The following CTTNBP2 variants were observed in gnomAD, a reference collection of about 807,000 sequenced individuals.
CTTNBP2 encodes cortactin-binding protein 2.
In CTTNBP2, 108 loss-of-function variants were observed where a neutral mutation model predicts 156.9. The observed-to-expected ratio is 0.69, with a 90% confidence interval of 0.59 to 0.81. The LOEUF is 0.81. Ranked by LOEUF, CTTNBP2 falls within the 30% of genes least tolerant of loss-of-function variation. CTTNBP2 has a pLI of 0.00. For synonymous variants in CTTNBP2, 767 were observed against 751.8 expected (o/e 1.02, Z -0.33); for missense variants, 1,924 against 2,035.4 (o/e 0.95, Z 1.05).
At chr7:117,829,405 T>G (rs1801475379) in intron 2 of CTTNBP2, among the ~76,000 whole-genome samples, 1 of 152,238 alleles carries the variant, frequency 6.6e-6, no homozygotes, top group South Asian at 2.1e-4. Flanking sequence ...ATCAGTTACA[T>G]GGAAGTGTTG....
intron 2 of CTTNBP2, among the ~76,000 whole-genome samples, chr7:117,844,010 T>C (rs1011219097): frequency 6.6e-6 from 1 of 151,486 alleles, no homozygotes; most frequent in African/African-American, 2.4e-5. Context: ...TCAGGAACCT[T>C]GGAGTCAGAG....
intron 2 of CTTNBP2, among the ~76,000 whole-genome samples, chr7:117,840,678 C>G (rs1264217839): frequency 6.6e-6 from 1 of 152,208 alleles, no homozygotes; most frequent in Non-Finnish European, 1.5e-5. Context: ...ACTATTATCT[C>G]TTCAGGAAGA....
At chr7:117,761,681 T>C (rs1797224886) in intron 9 of CTTNBP2, among the ~76,000 whole-genome samples, 1 of 152,200 alleles carries the variant, frequency 6.6e-6, no homozygotes, top group Non-Finnish European at 1.5e-5. Flanking sequence ...TGGACAGGTA[T>C]TACCTTTAGT....
intron 2 of CTTNBP2, among the ~76,000 whole-genome samples, chr7:117,846,208 C>G (rs1802578602): frequency 6.6e-6 from 1 of 151,922 alleles, no homozygotes; most frequent in Non-Finnish European, 1.5e-5. Context: ...CAGCTGATGA[C>G]AGAATATAGA....
chr7:117,848,140 G>A (rs917916580), intron 2 of CTTNBP2, among the ~76,000 whole-genome samples: 3 of 151,974 alleles, frequency 2.0e-5, no homozygotes, highest in Admixed American at 6.6e-5. Context: ...TTGAATACTT[G>A]TTCAGTCTAG....
chr7:117,760,775 T>G, intron 9 of CTTNBP2, 65 bp from the exon 10 acceptor site: 1 of 1,072,566 alleles, frequency 9.3e-7, no homozygotes, highest in Non-Finnish European at 1.4e-6. Flanking sequence ...GTAAAACTAT[T>G]ACATAAAATA....
intron 6 of CTTNBP2, among the ~76,000 whole-genome samples, chr7:117,781,736 AAAAG>A (rs1212886111): frequency 2.6e-5 from 4 of 152,166 alleles, no homozygotes; most frequent in East Asian, 1.9e-4. Flanking sequence ...GACTCCGTCT[AAAAG>A]AAAGAAAGAA....
At chr7:117,821,031 A>C (rs1055656270) in intron 2 of CTTNBP2, among the ~76,000 whole-genome samples, 4 of 152,082 alleles carry the variant, frequency 2.6e-5, no homozygotes, top group Non-Finnish European at 5.9e-5. Flanking sequence ...TCACTTTCTA[A>C]ATATTTTTCT....
chr7:117,748,054 AG>A (rs199980057), intron 12 of CTTNBP2, among the ~76,000 whole-genome samples: 2,474 of 152,268 alleles, frequency 0.016, 22 homozygotes, highest in South Asian at 0.032. Flanking sequence ...GTGGAGGTGC[AG>A]GCAAGGACCA....
chr7:117,872,235 G>A (rs1290159315), intron 1 of CTTNBP2: 1 of 152,900 alleles, frequency 6.5e-6, no homozygotes, highest in Non-Finnish European at 1.5e-5. Flanking sequence ...CCTCCAGAGG[G>A]TGGGAGGAAG....
intron 2 of CTTNBP2, among the ~76,000 whole-genome samples, chr7:117,832,627 T>C (rs1454968112): frequency 1.3e-5 from 2 of 152,014 alleles, no homozygotes; most frequent in African/African-American, 2.4e-5. Flanking sequence ...TTCTTGATGC[T>C]CTACTATCTG....
At chr7:117,794,844 T>C (rs952472019) in intron 3 of CTTNBP2, among the ~76,000 whole-genome samples, 4 of 150,674 alleles carry the variant, frequency 2.7e-5, no homozygotes, top group South Asian at 2.1e-4. Context: ...TGGGGAACAA[T>C]AGTGTTGTCA....
At chr7:117,717,417 AGGAACAACCAAGATGACAG>A (rs1438457344) in intron 22 of CTTNBP2, among the ~76,000 whole-genome samples, 1 of 151,588 alleles carries the variant, frequency 6.6e-6, no homozygotes, top group African/African-American at 2.4e-5. Flanking sequence ...AGGAAACCTT[AGGAACAACCAAGATGACAG>A]TTTTGTTACC....
intron 2 of CTTNBP2, among the ~76,000 whole-genome samples, chr7:117,857,463 T>C (rs1001216625): frequency 9.8e-5 from 15 of 152,306 alleles, no homozygotes; most frequent in Non-Finnish European, 1.3e-4. Flanking sequence ...TTCAATGATG[T>C]ATGCAATTTT....
chr7:117,759,046 T>C (rs764322048), intron 10 of CTTNBP2, among the ~76,000 whole-genome samples: 1 of 152,194 alleles, frequency 6.6e-6, no homozygotes, highest in Non-Finnish European at 1.5e-5. Context: ...ACTCCATGTG[T>C]GGACAAAATG....
intron 1 of CTTNBP2, among the ~76,000 whole-genome samples, chr7:117,869,406 C>A (rs1471345779): frequency 3.3e-5 from 5 of 152,126 alleles, no homozygotes; most frequent in African/African-American, 1.2e-4. Context: ...TTTCTTCATT[C>A]AGTAAATATT....
intron 22 of CTTNBP2, among the ~76,000 whole-genome samples, chr7:117,713,551 T>C (rs1794175002): frequency 6.6e-6 from 1 of 152,194 alleles, no homozygotes; most frequent in African/African-American, 2.4e-5. Context: ...TAATCCAATG[T>C]TACCCACAAA....
rs186248399 is a variant in CTTNBP2 at position 117,773,703 on chromosome 7, A to C, written c.2778+3808T>G. Among the ~76,000 whole-genome samples, 42 of 118,134 alleles carry C rather than the reference A, an allele frequency of 3.6e-4. 2 individuals are homozygous for C. Among genetic ancestry groups the C allele is most frequent in the African/African-American group, 4.6e-4 (12 of 26,240 alleles). 77.5% of individuals were successfully genotyped at this position (118,134 alleles called of 152,430 possible). On this transcript the variant is annotated intron_variant, in intron 8 of 22. Coordinates refer to ENST00000160373, the MANE Select transcript of CTTNBP2 (RefSeq NM_033427.3). Reference sequence around the variant, plus strand: ...CACACACACACACACACACACACACACACACCCCAAAAAACAAAAAGCAGA... The same window carrying C: ...CACACACACACACACACACACACACCCACACCCCAAAAAACAAAAAGCAGA...
At chr7:117,790,620 C>T (rs1187478886) in intron 4 of CTTNBP2, among the ~76,000 whole-genome samples, 1 of 147,556 alleles carries the variant, frequency 6.8e-6, no homozygotes, top group Non-Finnish European at 1.5e-5. Context: ...AAACCGAAAA[C>T]ACCAAACTGA....
Sources: allele counts gnomAD v4.1 joint callset (sites outside exome capture counted in the v4.1 genomes callset), GRCh38; gene constraint gnomAD v4.1.1; transcripts MANE v1.5; gene names NCBI Gene and HGNC (gene_info 2026-07-23, HGNC 2026-07-21).